Variants in GLDC observed in about 807,000 individuals in gnomAD.
GLDC encodes glycine dehydrogenase (decarboxylating), mitochondrial.
GLDC carries 104 observed loss-of-function variants against 121.3 expected under a neutral mutation model. That is an observed-to-expected ratio of 0.86 (90% CI 0.73 to 1.01). GLDC has a LOEUF of 1.01. GLDC is among the 50% of genes least tolerant of loss of function. GLDC has a pLI of 0.00. For missense variants in GLDC, 1,429 were observed against 1,306.6 expected (o/e 1.09, Z -1.44); for synonymous variants, 546 against 480.6 (o/e 1.14, Z -1.78).
intron 16 of GLDC, among the ~76,000 whole-genome samples, chr9:6,560,492 T>C (rs1230643224): frequency 6.6e-6 from 1 of 152,208 alleles, no homozygotes; most frequent in Admixed American, 6.5e-5. Flanking sequence ...TGCTTCCCTT[T>C]TGTAGTTAAT....
rs1819707657 is a variant in GLDC, at chr9:6,644,867, G to C, written c.256-175C>G. 7.6e-6 allele frequency: 5 copies of C among 655,090 alleles called. No homozygotes were observed. In the East Asian group the frequency reaches 1.4e-4, roughly 18 times the overall value. 40.6% of individuals were successfully genotyped at this position (655,090 alleles called of 1,614,324 possible). On this transcript the variant is annotated intron_variant, in intron 1 of 24. Coordinates refer to ENST00000321612, the MANE Select transcript of GLDC (RefSeq NM_000170.3). ...AATGATTTGGAGGAAAGAAAATCGT[G>C]AAGTGGGGTGGAGATTCCGCCACTC...
intron 15 of GLDC, chr9:6,569,259 G>A (rs1279370302): frequency 2.0e-5 from 3 of 152,184 alleles, no homozygotes; most frequent in African/African-American, 4.8e-5. Flanking sequence ...CTTTGCCAAG[G>A]TTGGAACGGG....
At chr9:6,601,173 G>GA (rs1563854918) in intron 8 of GLDC, among the ~76,000 whole-genome samples, 1 of 151,718 alleles carries the variant, frequency 6.6e-6, no homozygotes, top group African/African-American at 2.4e-5. Context: ...ACTCTGTCTC[G>GA]AAAAAACAAA....
At chr9:6,562,994 CT>C (rs916909903) in intron 16 of GLDC, among the ~76,000 whole-genome samples, 27 of 152,222 alleles carry the variant, frequency 1.8e-4, no homozygotes, top group African/African-American at 6.3e-4. Flanking sequence ...CACCCAGCCC[CT>C]CTCCCTCCTG....
chr9:6,627,767 A>C (rs1166998367), intron 2 of GLDC, among the ~76,000 whole-genome samples: 3 of 152,186 alleles, frequency 2.0e-5, no homozygotes, highest in Non-Finnish European at 2.9e-5. Context: ...TCTTACTGTG[A>C]TAAAATCTAA....
intron 18 of GLDC, 97 bp downstream of exon 18, chr9:6,556,056 C>G (rs1817623010): frequency 9.6e-7 from 1 of 1,036,958 alleles, no homozygotes; most frequent in African/African-American, 1.6e-5. Context: ...TCTGAGTTCC[C>G]TCAGGCAGGA....
intron 3 of GLDC, among the ~76,000 whole-genome samples, chr9:6,612,600 C>T (rs560533528): frequency 6.6e-6 from 1 of 152,050 alleles, no homozygotes; most frequent in South Asian, 2.1e-4. Flanking sequence ...GTGGCTCATG[C>T]CTGTAAGTAA....
chr9:6,604,820 T>C (rs1818697213), intron 6 of GLDC, 36 bp from the exon 7 acceptor site: 1 of 1,542,714 alleles, frequency 6.5e-7, no homozygotes, highest in Non-Finnish European at 9.0e-7. Flanking sequence ...ACAAGGTTGC[T>C]ACCTTTCCCT....
chr9:6,595,255 T>C (rs1818469274), intron 8 of GLDC, 136 bp from the exon 9 acceptor site: 2 of 743,598 alleles, frequency 2.7e-6, no homozygotes, highest in Admixed American at 3.9e-5. Context: ...CTTTGATAGT[T>C]GGGGACAATT....
chr9:6,644,594 G>T lies in GLDC; in HGVS notation c.334+20C>A. On this transcript the variant is annotated intron_variant, in intron 2 of 24. Coordinates refer to ENST00000321612, the MANE Select transcript of GLDC (RefSeq NM_000170.3). ...AGGCCAGAATAATCTAAGTCCAAGG[G>T]AGCCCTCCCGGCCACTTACAAACAG... 2.6e-6 allele frequency: 4 copies of T among 1,548,548 alleles called. No homozygotes were observed. The highest frequency in any genetic ancestry group is 3.6e-6 in the Non-Finnish European group (4 of 1,120,350).
chr9:6,595,257 G>T, intron 8 of GLDC, 138 bp from the exon 9 acceptor site: 1 of 741,428 alleles, frequency 1.3e-6, no homozygotes, highest in East Asian at 2.6e-5. Context: ...TTGATAGTTG[G>T]GGACAATTAA....
chr9:6,570,868 A>T (rs2129777023), intron 15 of GLDC, among the ~76,000 whole-genome samples: 1 of 151,908 alleles, frequency 6.6e-6, no homozygotes, highest in East Asian at 1.9e-4. Flanking sequence ...AAAAAAAAAA[A>T]AAAAAGTTTC....
rs371491621 is a variant in GLDC at position 6,644,619 on chromosome 9, G to C, written c.329C>G (p.Pro110Arg). Residue 110 changes from proline (P) to arginine (R), a missense_variant, in exon 2 of 25, where the codon CCT becomes CGT. Pro to Arg is a moderately radical substitution (Grantham distance 103). Coordinates refer to ENST00000321612, the MANE Select transcript of GLDC (RefSeq NM_000170.3). ...GAGCCCTCCCGGCCACTTACAAACA[G>C]GGTCTTCCATTTTCAAGGGTCTTTT... The part of the protein sequence containing the change: ...RLKRPLKMED[P>R]VCENEILATL... 1 of 1,608,152 alleles carries C rather than the reference G, an allele frequency of 6.2e-7. No individual in the cohort carries two copies. Among genetic ancestry groups the C allele is most frequent in the African/African-American group, 1.3e-5 (1 of 74,766 alleles).
intron 2 of GLDC, among the ~76,000 whole-genome samples, chr9:6,632,692 G>C (rs1819410915): frequency 6.6e-6 from 1 of 152,184 alleles, no homozygotes; most frequent in Non-Finnish European, 1.5e-5. Context: ...TTCAGCCCGG[G>C]CCCTCACTCC....
chr9:6,578,638 C>G (rs1818118481), intron 15 of GLDC, among the ~76,000 whole-genome samples: 1 of 151,802 alleles, frequency 6.6e-6, no homozygotes, highest in Non-Finnish European at 1.5e-5. Flanking sequence ...CTCCTGGACT[C>G]AAGTGATCCT....
intron 7 of GLDC, among the ~76,000 whole-genome samples, chr9:6,602,489 G>C (rs191569429): frequency 3.3e-5 from 5 of 150,868 alleles, no homozygotes; most frequent in East Asian, 2.0e-4. Context: ...CGATTCTACT[G>C]CATCAGCCTC....
chr9:6,607,049 C>T (rs752239242), intron 4 of GLDC, among the ~76,000 whole-genome samples: 5 of 151,544 alleles, frequency 3.3e-5, no homozygotes, highest in Admixed American at 2.0e-4. Flanking sequence ...CTGCGTAAGA[C>T]GAGCAAAACT....
chr9:6,639,276 C>A (rs1326168469), intron 2 of GLDC: 3 of 905,228 alleles, frequency 3.3e-6, no homozygotes, highest in Non-Finnish European at 5.5e-6. Context: ...CATCACCCAC[C>A]TTCCGGCGGT....
intron 15 of GLDC, 37 bp from the exon 16 acceptor site, chr9:6,565,466 C>G (rs767112585): frequency 2.0e-5 from 30 of 1,504,714 alleles, no homozygotes; most frequent in Non-Finnish European, 2.7e-5. Context: ...ACGGTTAGGT[C>G]TTCTGGCTTT....
Sources: allele counts gnomAD v4.1 joint callset (sites outside exome capture counted in the v4.1 genomes callset), GRCh38; gene constraint gnomAD v4.1.1; transcripts MANE v1.5; gene names NCBI Gene and HGNC (gene_info 2026-07-23, HGNC 2026-07-21).